Variants in CCDC66 observed in about 807,000 individuals in gnomAD.
CCDC66 encodes the protein coiled-coil domain containing 66.
In CCDC66, 133 loss-of-function variants were observed where a neutral mutation model predicts 128.3. The observed-to-expected ratio is 1.04, with a 90% confidence interval of 0.90 to 1.20. CCDC66 has a LOEUF of 1.20. Among genes scored for constraint, CCDC66 ranks in the 50% most tolerant of loss-of-function variants. The probability of loss-of-function intolerance (pLI) is 0.00; values close to 1 mark genes in which losing one functional copy is unlikely to be tolerated. For synonymous variants in CCDC66, 387 were observed against 357.0 expected, an observed-to-expected ratio of 1.08 and a Z score of -0.95; for missense variants, 1,126 against 1,075.5, an observed-to-expected ratio of 1.05 and a Z score of -0.66.
At chr3:56,601,154 G>T (rs1157633802) in intron 10 of CCDC66, among the ~76,000 whole-genome samples, 1 of 152,034 alleles carries the variant, frequency 6.6e-6, no homozygotes, top group Non-Finnish European at 1.5e-5. Context: ...TTTGTATAAG[G>T]TGTAAGGAAG....
At chr3:56,593,425 G>T (rs1275347840) in intron 8 of CCDC66, 66 bp from the exon 9 acceptor site, 2 of 1,541,560 alleles carry the variant, frequency 1.3e-6, no homozygotes, top group African/African-American at 1.4e-5. Flanking sequence ...ATCTTTGGTT[G>T]TCATTTAGAA....
chr3:56,618,390 A>G (rs2075811553), intron 15 of CCDC66, 178 bp downstream of exon 15: 1 of 552,146 alleles, frequency 1.8e-6, no homozygotes, highest in Non-Finnish European at 3.2e-6. Context: ...AGGAGCTTGA[A>G]GGCCCAAGTT....
chr3:56,564,240 A>G (rs545292814), intron 4 of CCDC66, 115 bp downstream of exon 4: 16 of 707,976 alleles, frequency 2.3e-5, no homozygotes, highest in South Asian at 9.6e-5. Flanking sequence ...TAACCTGTCA[A>G]TCTATTAAAA....
At chr3:56,559,883 G>T (rs2064876131) in intron 3 of CCDC66, among the ~76,000 whole-genome samples, 1 of 152,162 alleles carries the variant, frequency 6.6e-6, no homozygotes. Context: ...GAAGCCACTA[G>T]TCATGTATAG....
chr3:56,564,083 A>T lies in CCDC66; in HGVS notation c.502A>T (p.Asn168Tyr), dbSNP rs1174123103. The change falls in exon 4 of 18, where the codon AAT (asparagine) becomes TAT (tyrosine). Residue 168 changes from asparagine (N) to tyrosine (Y), a missense_variant. Transcript: ENST00000394672. ...GATTTTGATGACTGTAAACCAAGGA[A>T]ATAGATCTCTTTCCCTGACTGAGAA... ...QQILMTVNQG[N>Y]RSLSLTENGK... is the part of the protein sequence containing the mutation. 1 of 1,611,214 alleles carries T rather than the reference A, an allele frequency of 6.2e-7. No homozygotes were observed. The highest frequency in any genetic ancestry group is 8.5e-7 in the Non-Finnish European group (1 of 1,178,456).
At position 56,593,471 on chromosome 3, in the gene CCDC66, T is replaced by A. The variant is rs79496112; in HGVS notation, c.1069-20T>A. ...GAATAATTGGAAAAATTCTTAGCAA[T>A]TCTTATTTGTCATCATTAGGGTGAG... On this transcript the variant is annotated intron_variant, in intron 8 of 17. Transcript: ENST00000394672. 133 of 1,604,990 alleles carry A rather than the reference T, an allele frequency of 8.3e-5. No individual in the cohort carries two copies. The African/African-American group carries it at 1.4e-3, about 17-fold the overall frequency.
chr3:56,611,196 G>A (rs1290489070), intron 10 of CCDC66, among the ~76,000 whole-genome samples: 3 of 152,066 alleles, frequency 2.0e-5, no homozygotes, highest in Non-Finnish European at 1.5e-5. Flanking sequence ...AGGTGGGGGC[G>A]GGGCTAGGTG....
chr3:56,596,119 A>G (rs776247532), intron 10 of CCDC66, among the ~76,000 whole-genome samples: 4 of 152,144 alleles, frequency 2.6e-5, no homozygotes, highest in Non-Finnish European at 4.4e-5. Flanking sequence ...CAGTCTCACT[A>G]TGTTGACCAG....
chr3:56,599,123 A>T (rs1344158741), intron 10 of CCDC66, among the ~76,000 whole-genome samples: 1 of 151,692 alleles, frequency 6.6e-6, no homozygotes, highest in African/African-American at 2.4e-5. Context: ...CAGGTTTTCT[A>T]TTTCTTCCTG....
rs1400025022 is a variant in CCDC66 at position 56,621,594 on chromosome 3, A to G, written c.2823A>G (p.Glu941=). ...SSLLPLAENQ[E]ESFGSSF is the part of the protein sequence containing the mutation. ...TCCTGCCTTTAGCTGAAAATCAAGA[A>G]GAGAGTTTTGGTTCTTCATTTTAAA... Residue 941 remains glutamate (E), a synonymous_variant, in exon 18 of 18, where the codon GAA becomes GAG. Coordinates refer to ENST00000394672, the MANE Select transcript of CCDC66 (RefSeq NM_001141947.3). The G allele has an allele frequency of 6.3e-7, 1 of 1,599,100 alleles. No homozygotes were observed. Among genetic ancestry groups the G allele is most frequent in the South Asian group, 1.1e-5 (1 of 88,092 alleles).
intron 13 of CCDC66, 97 bp downstream of exon 13, chr3:56,616,150 A>T (rs9833926): frequency 2.7e-6 from 3 of 1,111,064 alleles, no homozygotes; most frequent in Non-Finnish European, 3.8e-6. Flanking sequence ...AAAAATTAAC[A>T]AAACTTGAGG....
Position 56,619,861 on chromosome 3 carries a change from G to A in CCDC66, c.2720G>A (p.Arg907Gln), listed in dbSNP as rs376070582. 83 of 1,613,946 alleles carry A rather than the reference G, an allele frequency of 5.1e-5. No individual in the cohort carries two copies. Among genetic ancestry groups the A allele is most frequent in the South Asian group, 8.8e-5 (8 of 91,056 alleles). The part of the protein sequence containing the change: ...LNPNMVKNRD[R>Q]QQAILKGLSE... ...CCTAACATGGTGAAAAATAGGGATC[G>A]ACAGCAAGCAATCCTTAAGGGACTT... The change falls in exon 17 of 18, where the codon CGA becomes CAA. Residue 907 changes from arginine (R) to glutamine (Q), a missense_variant. Physicochemically the swap from Arg to Gln is conservative, Grantham distance 43. Transcript: ENST00000394672.
chr3:56,591,147 A>G (rs907393330), intron 7 of CCDC66, among the ~76,000 whole-genome samples: 19 of 152,236 alleles, frequency 1.2e-4, no homozygotes, highest in African/African-American at 2.4e-5. Flanking sequence ...TTCCCAGTCA[A>G]CGACAGAAAT....
intron 3 of CCDC66, 119 bp from the exon 4 acceptor site, chr3:56,563,565 A>G (rs2065413452): frequency 4.2e-6 from 3 of 708,258 alleles, no homozygotes; most frequent in Non-Finnish European, 6.9e-6. Flanking sequence ...TTATGGTTAT[A>G]TTACCTAAAT....
rs1402791495 is a variant in CCDC66, at chr3:56,593,624, T to A, written c.1202T>A (p.Leu401Gln). 3.1e-6 allele frequency: 5 copies of A among 1,614,122 alleles called. No homozygotes were observed. In the African/African-American group the frequency reaches 6.7e-5, roughly 22 times the overall value. Residue 401 changes from leucine to glutamine, a missense_variant, in exon 9 of 18, where the codon CTG becomes CAG. Transcript: ENST00000394672. ...TGTGTCTCTCCTGACACTCAGGAGCTGGCTGATGTCAGCAGTGTTTGTACA... is the reference window on the plus strand; with the variant it reads ...TGTGTCTCTCCTGACACTCAGGAGCAGGCTGATGTCAGCAGTGTTTGTACA... Reference protein sequence around the residue: ...YFCVSPDTQELADVSSVCTPT... With the variant: ...YFCVSPDTQEQADVSSVCTPT...
intron 10 of CCDC66, among the ~76,000 whole-genome samples, chr3:56,612,703 GGGT>G (rs2075007435): frequency 1.3e-5 from 2 of 152,162 alleles, no homozygotes; most frequent in African/African-American, 2.4e-5. Context: ...TGGCATATGA[GGGT>G]GGGTGCCAGC....
chr3:56,563,006 G>A (rs1475256811), intron 3 of CCDC66, among the ~76,000 whole-genome samples: 1 of 151,934 alleles, frequency 6.6e-6, no homozygotes, highest in African/African-American at 2.4e-5. Context: ...TGGGATCCTG[G>A]CCCCATATAA....
At chr3:56,585,741 C>G (rs1483915437) in intron 7 of CCDC66, among the ~76,000 whole-genome samples, 4 of 151,580 alleles carry the variant, frequency 2.6e-5, no homozygotes, top group Non-Finnish European at 5.9e-5. Flanking sequence ...TATTTAATGC[C>G]TAGACAAGAT....
At chr3:56,597,838 G>C (rs1368592266) in intron 10 of CCDC66, among the ~76,000 whole-genome samples, 2 of 131,146 alleles carry the variant, frequency 1.5e-5, no homozygotes, top group African/African-American at 5.7e-5. Context: ...GCAGTGGCGC[G>C]ATCTCATCCC....
Sources: allele counts gnomAD v4.1 joint callset (sites outside exome capture counted in the v4.1 genomes callset), GRCh38; gene constraint gnomAD v4.1.1; transcripts MANE v1.5; gene names NCBI Gene and HGNC (gene_info 2026-07-23, HGNC 2026-07-21).